The following TNNI3K variants were observed in gnomAD, a reference collection of about 807,000 sequenced individuals.
TNNI3K encodes the protein serine/threonine-protein kinase TNNI3K.
A neutral mutation model predicts 114.5 loss-of-function variants in TNNI3K; 140 were observed. The observed-to-expected ratio is 1.22, with a 90% CI of 1.07 to 1.41. The LOEUF (loss-of-function observed/expected upper bound fraction) is 1.41. Among genes scored for constraint, TNNI3K ranks in the 40% most tolerant of loss-of-function variants. TNNI3K has a pLI of 0.00. For missense variants in TNNI3K, 1,125 were observed against 1,007.6 expected (o/e 1.12, Z -1.58); for synonymous variants, 347 against 347.5 (o/e 1.00, Z 0.02).
At chr1:74,477,643 T>C (rs1214948136) in intron 21 of TNNI3K, among the ~76,000 whole-genome samples, 1 of 152,218 alleles carries the variant, frequency 6.6e-6, no homozygotes, top group African/African-American at 2.4e-5. Flanking sequence ...CCTCTAATTG[T>C]GTCTGAATGG....
intron 11 of TNNI3K, among the ~76,000 whole-genome samples, chr1:74,364,413 C>T (rs1004295054): frequency 6.6e-6 from 1 of 151,860 alleles, no homozygotes; most frequent in Non-Finnish European, 1.5e-5. Context: ...AACACACAAG[C>T]AAGGCACAAG....
chr1:74,308,834 C>T (rs899750904), intron 5 of TNNI3K, among the ~76,000 whole-genome samples: 2 of 152,120 alleles, frequency 1.3e-5, no homozygotes, highest in East Asian at 3.9e-4. Flanking sequence ...CAACTGATTC[C>T]ACAGAAATAC....
chr1:74,395,440 C>T (rs906638056), intron 17 of TNNI3K, among the ~76,000 whole-genome samples: 1 of 152,070 alleles, frequency 6.6e-6, no homozygotes, highest in African/African-American at 2.4e-5. Flanking sequence ...CTGCAGAACC[C>T]ATAGACAAAC....
At chr1:74,390,492 G>A (rs951216610) in intron 17 of TNNI3K, among the ~76,000 whole-genome samples, 1 of 152,118 alleles carries the variant, frequency 6.6e-6, no homozygotes, top group South Asian at 2.1e-4. Context: ...ATTCATTGAG[G>A]TCATCACAGT....
intron 17 of TNNI3K, among the ~76,000 whole-genome samples, chr1:74,380,587 A>G (rs12133983): frequency 0.035 from 5,365 of 152,018 alleles, 141 homozygotes; most frequent in Non-Finnish European, 0.056. Flanking sequence ...CTGGCCTGCA[A>G]TTTTCTGGTG....
chr1:74,471,085 G>A (rs548397088), intron 21 of TNNI3K: 1 of 400,760 alleles, frequency 2.5e-6, no homozygotes, highest in Admixed American at 4.4e-5. Context: ...CTCAGCATCA[G>A]TGGGTGTAGG....
intron 2 of TNNI3K, among the ~76,000 whole-genome samples, chr1:74,244,491 C>G (rs898638288): frequency 3.3e-5 from 5 of 151,904 alleles, no homozygotes; most frequent in Non-Finnish European, 5.9e-5. Flanking sequence ...AAACATTCAT[C>G]TAGTGCCTTT....
chr1:74,344,545 C>A (rs1453355805), intron 9 of TNNI3K, among the ~76,000 whole-genome samples: 1 of 152,128 alleles, frequency 6.6e-6, no homozygotes, highest in Non-Finnish European at 1.5e-5. Flanking sequence ...TCAAATGGAT[C>A]AGTGGAATCT....
intron 23 of TNNI3K, among the ~76,000 whole-genome samples, chr1:74,494,256 G>T (rs1302392915): frequency 2.0e-5 from 3 of 152,120 alleles, no homozygotes; most frequent in Admixed American, 6.6e-5. Context: ...AAGATTATCT[G>T]GAGTTAGCAA....
chr1:74,326,978 G>A (rs1298077048), intron 5 of TNNI3K, among the ~76,000 whole-genome samples: 1 of 151,848 alleles, frequency 6.6e-6, no homozygotes, highest in African/African-American at 2.4e-5. Flanking sequence ...CTACTCAGGA[G>A]GCTGAGGCAG....
chr1:74,472,650 T>A (rs1310423655), intron 21 of TNNI3K, among the ~76,000 whole-genome samples: 1 of 152,040 alleles, frequency 6.6e-6, no homozygotes, highest in Non-Finnish European at 1.5e-5. Flanking sequence ...AGATAATAAT[T>A]TGACAATGAA....
At chr1:74,365,176 TACA>T (rs1331153401) in intron 11 of TNNI3K, among the ~76,000 whole-genome samples, 2 of 152,098 alleles carry the variant, frequency 1.3e-5, no homozygotes, top group Non-Finnish European at 2.9e-5. Flanking sequence ...AGTTAATCTT[TACA>T]ACAATCTTAC....
intron 5 of TNNI3K, among the ~76,000 whole-genome samples, chr1:74,279,146 C>T (rs906176797): frequency 6.6e-6 from 1 of 152,096 alleles, no homozygotes; most frequent in African/African-American, 2.4e-5. Context: ...AGGAACACCC[C>T]CATGAGAGAA....
chr1:74,449,826 G>C (rs1423142729), intron 20 of TNNI3K, among the ~76,000 whole-genome samples: 1 of 150,464 alleles, frequency 6.6e-6, no homozygotes, highest in Non-Finnish European at 1.5e-5. Flanking sequence ...ACACCCCACT[G>C]TCAACATTAG....
At chr1:74,510,373 T>TGCCTGGC (rs535413104) in intron 23 of TNNI3K, among the ~76,000 whole-genome samples, 175 of 152,192 alleles carry the variant, frequency 1.1e-3, no homozygotes, top group Middle Eastern at 3.4e-3. Context: ...CCGGGCATGG[T>TGCCTGGC]GCCTGGCGCC....
chr1:74,296,230 C>T (rs931468375), intron 5 of TNNI3K, among the ~76,000 whole-genome samples: 10 of 150,922 alleles, frequency 6.6e-5, no homozygotes, highest in Non-Finnish European at 1.0e-4. Context: ...GAGCGGAGAT[C>T]GCGCCACTGT....
intron 12 of TNNI3K, 124 bp downstream of exon 12, chr1:74,367,466 G>A: frequency 9.9e-7 from 1 of 1,006,392 alleles, no homozygotes; most frequent in Non-Finnish European, 1.4e-6. Flanking sequence ...TGTCAGATTA[G>A]ATTTATTTTA....
chr1:74,288,407 A>G (rs1212695432), intron 5 of TNNI3K, among the ~76,000 whole-genome samples: 2 of 152,156 alleles, frequency 1.3e-5, no homozygotes, highest in African/African-American at 2.4e-5. Context: ...ATAGAATAGT[A>G]TACATATCAT....
intron 4 of TNNI3K, among the ~76,000 whole-genome samples, chr1:74,265,654 C>A (rs560227037): frequency 6.6e-6 from 1 of 152,060 alleles, no homozygotes; most frequent in African/African-American, 2.4e-5. Flanking sequence ...TACATAATAA[C>A]AATTATTATG....
Sources: allele counts gnomAD v4.1 joint callset (sites outside exome capture counted in the v4.1 genomes callset), GRCh38; gene constraint gnomAD v4.1.1; transcripts MANE v1.5; gene names NCBI Gene and HGNC (gene_info 2026-07-23, HGNC 2026-07-21).